Variants in SKAP2 observed in about 807,000 individuals in gnomAD.
The protein encoded by SKAP2 is src kinase associated phosphoprotein 2.
SKAP2 carries 28 observed loss-of-function variants against 54.9 expected under a neutral mutation model. The ratio of observed to expected loss-of-function variants is 0.51; its 90% CI spans 0.38 to 0.70. The LOEUF is 0.70. Among genes scored for constraint, SKAP2 ranks in the 30% least tolerant of loss-of-function variants. The pLI, the probability that SKAP2 is intolerant of heterozygous loss-of-function variation, is 0.00. For synonymous variants in SKAP2, 137 were observed against 134.3 expected, an observed-to-expected ratio of 1.02 and a Z score of -0.14; for missense variants, 356 against 424.1, an observed-to-expected ratio of 0.84 and a Z score of 1.41.
At chr7:26,833,760 C>T (rs2127993124) in intron 4 of SKAP2, among the ~76,000 whole-genome samples, 1 of 152,022 alleles carries the variant, frequency 6.6e-6, no homozygotes, top group African/African-American at 2.4e-5. Context: ...TAGACTCCCA[C>T]ACAATGATAC....
At chr7:26,778,119 AT>A (rs35421116) in intron 4 of SKAP2, among the ~76,000 whole-genome samples, 45,095 of 151,414 alleles carry the variant, frequency 0.3, 6,962 homozygotes, top group Non-Finnish European at 0.33. Flanking sequence ...AAGAATTGTA[AT>A]GACAAGTCTA....
chr7:26,694,105 A>T (rs1786845823), intron 9 of SKAP2, among the ~76,000 whole-genome samples: 1 of 152,046 alleles, frequency 6.6e-6, no homozygotes, highest in Non-Finnish European at 1.5e-5. Flanking sequence ...ATACATTCAC[A>T]TATTTTTTTA....
intron 9 of SKAP2, among the ~76,000 whole-genome samples, chr7:26,713,106 A>G (rs1584345918): frequency 2.6e-5 from 4 of 152,294 alleles, no homozygotes; most frequent in Admixed American, 2.0e-4. Context: ...CTGGCTACAT[A>G]TGGCCCTCCT....
At chr7:26,708,616 T>C (rs1787224057) in intron 9 of SKAP2, among the ~76,000 whole-genome samples, 2 of 152,200 alleles carry the variant, frequency 1.3e-5, no homozygotes, top group African/African-American at 2.4e-5. Flanking sequence ...GTATGTTCTA[T>C]AGGTGGTGTT....
chr7:26,844,047 T>C lies in SKAP2; in HGVS notation c.290A>G (p.Asp97Gly), dbSNP rs1426305212. ...TCACATACCATCAGAGGGGGCTTCA[T>C]CGTCTTTATCATATCGTTCTGAGGC... ...SLASERYDKD[D>G]EAPSDGAQFP... Residue 97 changes from aspartate (D) to glycine (G), a missense_variant, in exon 4 of 13, where the codon GAT becomes GGT. By Grantham distance (94) the Asp-to-Gly change is moderately conservative. Transcript: ENST00000345317. 2.5e-6 allele frequency: 4 copies of C among 1,608,956 alleles called. No homozygotes were observed. Among genetic ancestry groups the C allele is most frequent in the Admixed American group, 1.7e-5 (1 of 59,962 alleles).
Position 26,690,355 on chromosome 7 carries a change from T to C in SKAP2, c.804A>G (p.Glu268=). ...CCACTTTCACTGGAGCACTGTCCTC[T>C]TCTTCTTCTGTAAATAAACATTATC... The part of the protein sequence containing the change: ...DEIYEELPEE[E]EDSAPVKVEE... Residue 268 remains glutamate (E), a synonymous_variant, in exon 10 of 13, where the codon GAA becomes GAG. Coordinates refer to ENST00000345317, the MANE Select transcript of SKAP2 (RefSeq NM_003930.5). 3 of 1,606,864 alleles carry C rather than the reference T, an allele frequency of 1.9e-6. No homozygotes were observed. The highest frequency in any genetic ancestry group is 1.7e-6 in the Non-Finnish European group (2 of 1,173,460).
At chr7:26,786,741 C>A (rs1783554940) in intron 4 of SKAP2, among the ~76,000 whole-genome samples, 1 of 152,182 alleles carries the variant, frequency 6.6e-6, no homozygotes, top group Non-Finnish European at 1.5e-5. Context: ...CAGTCTGTAT[C>A]TAAACACATA....
intron 4 of SKAP2, among the ~76,000 whole-genome samples, chr7:26,788,410 G>A (rs1783603264): frequency 6.6e-6 from 1 of 151,358 alleles, no homozygotes; most frequent in South Asian, 2.1e-4. Context: ...AAATCAGAAA[G>A]CACTTAGCAT....
At chr7:26,824,306 C>T (rs1784444753) in intron 4 of SKAP2, among the ~76,000 whole-genome samples, 1 of 152,114 alleles carries the variant, frequency 6.6e-6, no homozygotes, top group Admixed American at 6.5e-5. Flanking sequence ...AGACATAATG[C>T]ACACAATAGT....
intron 4 of SKAP2, among the ~76,000 whole-genome samples, chr7:26,824,097 A>AGAATCAATCAATGAATCAATCAAT (rs70946233): frequency 1.3e-5 from 2 of 150,852 alleles, no homozygotes; most frequent in African/African-American, 4.9e-5. Context: ...CATGGAAAGA[A>AGAATCAATCAATGAATCAATCAAT]GAATCAATCA....
intron 4 of SKAP2, among the ~76,000 whole-genome samples, chr7:26,759,154 A>G (rs1194462153): frequency 3.9e-5 from 6 of 152,204 alleles, no homozygotes; most frequent in African/African-American, 1.2e-4. Context: ...TTTTATGGCT[A>G]TACTATAAAC....
chr7:26,751,366 G>A (rs1782678329), intron 4 of SKAP2, among the ~76,000 whole-genome samples: 1 of 152,094 alleles, frequency 6.6e-6, no homozygotes, highest in South Asian at 2.1e-4. Flanking sequence ...GTAAATTGCT[G>A]AATTAAGGCT....
At chr7:26,683,954 T>C (rs1374802891) in intron 11 of SKAP2, among the ~76,000 whole-genome samples, 1 of 152,184 alleles carries the variant, frequency 6.6e-6, no homozygotes, top group Non-Finnish European at 1.5e-5. Flanking sequence ...TCTAAAGTAG[T>C]CTTGTAAGTA....
At chr7:26,843,145 T>C (rs1233946117) in intron 4 of SKAP2, among the ~76,000 whole-genome samples, 1 of 152,044 alleles carries the variant, frequency 6.6e-6, no homozygotes, top group Non-Finnish European at 1.5e-5. Flanking sequence ...ACATAAAATG[T>C]GGAGTGCTCT....
chr7:26,787,324 T>G (rs1414940105), intron 4 of SKAP2, among the ~76,000 whole-genome samples: 1 of 151,824 alleles, frequency 6.6e-6, no homozygotes, highest in South Asian at 2.1e-4. Context: ...CAAGATGGTT[T>G]TTTTTTTTTC....
intron 9 of SKAP2, among the ~76,000 whole-genome samples, chr7:26,703,024 A>C (rs1297325859): frequency 1.3e-5 from 2 of 152,180 alleles, no homozygotes; most frequent in African/African-American, 4.8e-5. Context: ...GATTCAGTAT[A>C]TTTTGGCTGA....
At chr7:26,850,481 A>C (rs1785016482) in intron 3 of SKAP2, among the ~76,000 whole-genome samples, 1 of 151,944 alleles carries the variant, frequency 6.6e-6, no homozygotes. Context: ...AAATGGAAAA[A>C]GGATCACCTT....
Position 26,785,332 on chromosome 7 carries a change from G to A in SKAP2, c.308-45368C>T, listed in dbSNP as rs12672173. On this transcript the variant is annotated intron_variant, in intron 4 of 12. Coordinates refer to ENST00000345317, the MANE Select transcript of SKAP2 (RefSeq NM_003930.5). The stretch of plus-strand genomic sequence containing the variant: ...CTCCCGAGTAGCTGGGACTACAGGC[G>A]CCCGCCACCACACCGGGCTAATTTT... Among the ~76,000 whole-genome samples, 36 of 151,954 alleles carry A rather than the reference G, an allele frequency of 2.4e-4. No individual in the cohort carries two copies. The East Asian group carries it at 5.2e-3, about 22-fold the overall frequency.
At chr7:26,822,492 T>C (rs1315951678) in intron 4 of SKAP2, among the ~76,000 whole-genome samples, 1 of 152,096 alleles carries the variant, frequency 6.6e-6, no homozygotes, top group Non-Finnish European at 1.5e-5. Flanking sequence ...CTCTGACTGC[T>C]CCACAACTCA....
Sources: allele counts gnomAD v4.1 joint callset (sites outside exome capture counted in the v4.1 genomes callset), GRCh38; gene constraint gnomAD v4.1.1; transcripts MANE v1.5; gene names NCBI Gene and HGNC (gene_info 2026-07-23, HGNC 2026-07-21).